Variants in BRD7 observed in about 807,000 individuals in gnomAD.
The protein encoded by BRD7 is bromodomain containing 7, also known as bromodomain-containing protein 7.
Under a neutral mutation model 82.1 loss-of-function variants are expected in BRD7, and 15 were observed. The observed-to-expected ratio is 0.18, with a 90% CI of 0.12 to 0.28. The LOEUF is 0.28. Among genes scored for constraint, BRD7 ranks in the 10% least tolerant of loss-of-function variants. The probability of loss-of-function intolerance (pLI) is 1.00; values close to 1 mark genes in which losing one functional copy is unlikely to be tolerated. For missense variants in BRD7, 638 were observed against 779.9 expected (o/e 0.82, Z 2.17); for synonymous variants, 232 against 266.9 (o/e 0.87, Z 1.27).
chr16:50,345,531 G>A (rs994257902), intron 5 of BRD7, among the ~76,000 whole-genome samples: 2 of 152,116 alleles, frequency 1.3e-5, no homozygotes, highest in East Asian at 1.9e-4. Flanking sequence ...CCCATCTCAT[G>A]TGCAGAGACA....
At chr16:50,327,654 A>C (rs1368906974) in intron 9 of BRD7, among the ~76,000 whole-genome samples, 2 of 152,138 alleles carry the variant, frequency 1.3e-5, no homozygotes, top group Non-Finnish European at 1.5e-5. Context: ...ACTCAACCTA[A>C]ACATCATCTC....
In BRD7 at chr16:50,368,235, G is replaced by C. The variant is rs767702749; in HGVS notation, c.113C>G (p.Ser38Cys). The change falls in exon 2 of 17, where the codon TCC becomes TGC. Residue 38 changes from serine to cysteine, a missense_variant. Coordinates refer to ENST00000394688, the MANE Select transcript of BRD7 (RefSeq NM_013263.5). Reference sequence around the variant, plus strand: ...GGAGTCGTGCCCCGAGCTGCCCGTGGAGAGTTCGGTGACTTCGTTCCCTCC... The same window carrying C: ...GGAGTCGTGCCCCGAGCTGCCCGTGCAGAGTTCGGTGACTTCGTTCCCTCC... ...KVGGNEVTEL[S>C]TGSSGHDSSL... 9.9e-6 allele frequency: 16 copies of C among 1,613,956 alleles called. No homozygotes were observed. The highest frequency in any genetic ancestry group is 1.4e-5 in the Non-Finnish European group (16 of 1,180,006).
intron 5 of BRD7, among the ~76,000 whole-genome samples, chr16:50,341,928 T>TCTCTCACACA (rs780059612): frequency 7.0e-6 from 1 of 143,552 alleles, no homozygotes; most frequent in African/African-American, 2.6e-5. Flanking sequence ...TGCACACTTT[T>TCTCTCACACA]CACACACACA....
In BRD7 at chr16:50,317,459, G is replaced by T. The variant is rs1244986689; in HGVS notation, c.*1752C>A. On this transcript the variant is annotated 3_prime_UTR_variant, in exon 17 of 17. Transcript: ENST00000394688. ...TAACATAGAAACACATTAGTGCACT[G>T]GGCCTCTCTGAGGTCAGCATATTTG... 1 of 151,726 alleles carries T rather than the reference G, an allele frequency of 6.6e-6. No homozygotes were observed. Among genetic ancestry groups the T allele is most frequent in the Non-Finnish European group, 1.5e-5 (1 of 68,036 alleles). The allele number at this position is 151,726 out of a possible 1,614,324, so 9.4% of individuals were successfully genotyped here.
At chr16:50,327,783 T>A (rs2037401481) in intron 9 of BRD7, among the ~76,000 whole-genome samples, 1 of 152,186 alleles carries the variant, frequency 6.6e-6, no homozygotes, top group East Asian at 1.9e-4. Context: ...TAGTACTGAT[T>A]AAGGACAGAC....
At chr16:50,334,653 T>G (rs1261360807) in intron 7 of BRD7, 58 bp downstream of exon 7, 1 of 1,573,804 alleles carries the variant, frequency 6.4e-7, no homozygotes, top group African/African-American at 1.4e-5. Context: ...ATAAGTATTT[T>G]TCCCCCTTAC....
chr16:50,352,702 T>A (rs1229252048), intron 4 of BRD7, among the ~76,000 whole-genome samples: 1 of 54,240 alleles, frequency 1.8e-5, no homozygotes, highest in Admixed American at 2.3e-4. Context: ...GCCAGCTTTG[T>A]TTTTTTTTTT....
chr16:50,349,731 C>A, intron 5 of BRD7: 2 of 403,444 alleles, frequency 5.0e-6, no homozygotes, highest in Non-Finnish European at 4.9e-6. Context: ...TTGTATTGAT[C>A]TAAGCTAAAA....
At chr16:50,325,694 A>G (rs370772275) in intron 11 of BRD7, 54 bp downstream of exon 11, 10 of 1,490,418 alleles carry the variant, frequency 6.7e-6, no homozygotes, top group Non-Finnish European at 5.4e-6. Context: ...CAAATCATGT[A>G]TGTACTTTAA....
Position 50,354,445 on chromosome 16 carries a change from T to C in BRD7, c.426A>G (p.Gln142=). Reference sequence around the variant, plus strand: ...TTTACCTCTGCAATTGTCTCATCAGTTGATTCAAAGCTTCTTGAAGGGGTG... The same window carrying C: ...TTTACCTCTGCAATTGTCTCATCAGCTGATTCAAAGCTTCTTGAAGGGGTG... ...EQTPLQEALN[Q]LMRQLQRKDP... Residue 142 remains glutamine (Q), a synonymous_variant, in exon 4 of 17, where the codon CAA becomes CAG. Coordinates refer to ENST00000394688, the MANE Select transcript of BRD7 (RefSeq NM_013263.5). 6.2e-7 allele frequency: 1 copy of C among 1,612,290 alleles called. No homozygotes were observed.
At chr16:50,320,845 C>A in intron 13 of BRD7, 71 bp from the exon 14 acceptor site, 1 of 1,029,960 alleles carries the variant, frequency 9.7e-7, no homozygotes, top group Non-Finnish European at 1.5e-6. Flanking sequence ...AGAAATTACT[C>A]AGATGGCATG....
At position 50,326,840 on chromosome 16, in the gene BRD7, G is replaced by A. The variant is rs140047531; in HGVS notation, c.1088-449C>T. Among the ~76,000 whole-genome samples, 1,366 of 152,282 alleles carry A rather than the reference G, an allele frequency of 9.0e-3. 20 individuals are homozygous for A. The highest frequency in any genetic ancestry group is 0.031 in the African/African-American group (1,287 of 41,546). ...ATGAAAGGCATACTTTTAGTGCAAC[G>A]AGAACAGGCATTAGCCAGGAATGAA... On this transcript the variant is annotated intron_variant, in intron 9 of 16. Transcript: ENST00000394688.
rs563620894 is a variant in BRD7, at chr16:50,339,076, T to C, written c.702+900A>G. On this transcript the variant is annotated intron_variant, in intron 6 of 16. Transcript: ENST00000394688. Reference sequence around the variant, plus strand: ...AGTAATTTTTTGCCACTGTGTATAATATCTCATGTTTACGCTCTTTCCTGC... The same window carrying C: ...AGTAATTTTTTGCCACTGTGTATAACATCTCATGTTTACGCTCTTTCCTGC... Among the ~76,000 whole-genome samples the C allele has an allele frequency of 1.2e-4, 19 of 152,370 alleles. 1 individual carries two copies. The South Asian group carries it at 3.3e-3, about 27-fold the overall frequency.
intron 4 of BRD7, among the ~76,000 whole-genome samples, chr16:50,350,437 A>C (rs1296787998): frequency 1.3e-5 from 2 of 152,216 alleles, no homozygotes; most frequent in Non-Finnish European, 2.9e-5. Context: ...ATACAGGAAA[A>C]CATGAAGCAA....
rs2036785536 is a variant in BRD7 at position 50,316,077 on chromosome 16, C to A, written c.*3134G>T. 1 of 152,828 alleles carries A rather than the reference C, an allele frequency of 6.5e-6. No homozygotes were observed. The highest frequency in any genetic ancestry group is 6.5e-5 in the Admixed American group (1 of 15,316). 9.5% of individuals were successfully genotyped at this position (152,828 alleles called of 1,614,324 possible). A position where few individuals can be genotyped will look rare whatever the true frequency, so the allele number is the denominator to read the frequency against. On this transcript the variant is annotated 3_prime_UTR_variant, in exon 17 of 17. Transcript: ENST00000394688. ...AAAAACACCACAATTAACACTGTTACTTTTTGCCTTGTCTGGCATGTTTGT... is the reference window on the plus strand; with the variant it reads ...AAAAACACCACAATTAACACTGTTAATTTTTGCCTTGTCTGGCATGTTTGT...
In BRD7 at chr16:50,317,967, G is replaced by C. The variant is rs940259383; in HGVS notation, c.*1244C>G. 1.3e-5 allele frequency: 2 copies of C among 152,314 alleles called. No individual in the cohort carries two copies. The highest frequency in any genetic ancestry group is 2.9e-5 in the Non-Finnish European group (2 of 68,038). 9.4% of individuals were successfully genotyped at this position (152,314 alleles called of 1,614,324 possible). A position where few individuals can be genotyped will look rare whatever the true frequency, so the allele number is the denominator to read the frequency against. On this transcript the variant is annotated 3_prime_UTR_variant, in exon 17 of 17. Transcript: ENST00000394688. ...TATACTTTGTGTATATAATAGGTCA[G>C]TGTAAAGAAATATGATTTGAGGTGG...
At chr16:50,357,261 G>A (rs533590817) in intron 2 of BRD7, among the ~76,000 whole-genome samples, 139 of 152,248 alleles carry the variant, frequency 9.1e-4, no homozygotes, top group African/African-American at 3.2e-3. Flanking sequence ...ACCACACTTT[G>A]AGAATCACTG....
Position 50,325,987 on chromosome 16 carries a change from T to C in BRD7, c.1196-104A>G, listed in dbSNP as rs116037742. 2,082 of 1,218,794 alleles carry C rather than the reference T, an allele frequency of 1.7e-3. 35 individuals carry two copies. In the African/African-American group the frequency reaches 0.028, roughly 17 times the overall value. The allele number at this position is 1,218,794 out of a possible 1,614,324, so 75.5% of individuals were successfully genotyped here. ...ATTCTCTCCTAACTTTACTACTTCA[T>C]TGGCTGGTTTGCAAATCTAAGATAT... On this transcript the variant is annotated intron_variant, in intron 10 of 16. Coordinates refer to ENST00000394688, the MANE Select transcript of BRD7 (RefSeq NM_013263.5).
intron 4 of BRD7, among the ~76,000 whole-genome samples, chr16:50,351,573 A>T (rs1257010397): frequency 2.6e-5 from 4 of 152,208 alleles, no homozygotes; most frequent in African/African-American, 9.6e-5. Flanking sequence ...TTGATCAACT[A>T]GATTTTTTAT....
Sources: gnomAD v4.1 joint callset for allele counts (sites outside exome capture counted in the v4.1 genomes callset) on GRCh38, gnomAD v4.1.1 for gene constraint, MANE v1.5 for transcripts, NCBI Gene and HGNC (gene_info 2026-07-23, HGNC 2026-07-21) for gene names.